CFAP54: variants seen among roughly 807,000 people sequenced by gnomAD.
CFAP54 encodes the protein cilia and flagella associated protein 54.
CFAP54 carries 290 observed loss-of-function variants against 370.4 expected under a neutral mutation model. That is an observed-to-expected ratio of 0.78 (90% CI 0.71 to 0.86). The LOEUF (loss-of-function observed/expected upper bound fraction) is 0.86, where lower values mean the gene tolerates loss of function less well. CFAP54 is among the 40% of genes least tolerant of loss of function. The pLI is 0.00. For synonymous variants in CFAP54, 1,206 were observed against 1,236.5 expected (o/e 0.98, Z 0.52); for missense variants, 3,399 against 3,528.7 (o/e 0.96, Z 0.93).
At chr12:96,759,305 C>A (rs571253685) in intron 58 of CFAP54, among the ~76,000 whole-genome samples, 143 of 142,398 alleles carry the variant, frequency 1.0e-3, no homozygotes, top group African/African-American at 3.6e-3. Context: ...AAAAAAAAAC[C>A]CTTGTTTTTA....
chr12:96,651,823 C>CTAGGGGTAGAGGTAAGGTAAAGAGGCT lies in CFAP54; in HGVS notation c.5100+8_5100+9insTAGGGGTAGAGGTAAGGTAAAGAGGCT. 6.7e-7 allele frequency: 1 copy of CTAGGGGTAGAGGTAAGGTAAAGAGGCT among 1,502,284 alleles called. No individual in the cohort carries two copies. Among genetic ancestry groups the CTAGGGGTAGAGGTAAGGTAAAGAGGCT allele is most frequent in the South Asian group, 1.1e-5 (1 of 87,380 alleles). 93.1% of individuals were successfully genotyped at this position (1,502,284 alleles called of 1,614,324 possible). ...AATACCAGTTCTATTAAGGTAAAGACACTTTGGTAATTATTTTTATTATAT... is the reference window on the plus strand; with the variant it reads ...AATACCAGTTCTATTAAGGTAAAGACTAGGGGTAGAGGTAAGGTAAAGAGGCTACTTTGGTAATTATTTTTATTATAT... On this transcript the variant is annotated intron_variant, in intron 36 of 67. Transcript: ENST00000524981.
At position 96,527,407 on chromosome 12, in the gene CFAP54, C is replaced by A; in HGVS notation, c.1320C>A (p.Val440=). The change falls in exon 9 of 68, where the codon GTC becomes GTA. Residue 440 remains valine (V), a synonymous_variant. Coordinates refer to ENST00000524981, the MANE Select transcript of CFAP54 (RefSeq NM_001306084.2). The stretch of plus-strand genomic sequence containing the variant: ...ATGAAGTGGAGATTCATGATGTTGT[C>A]TCAGAATTGTTTATGGCAGGAAAAG... ...VTDEVEIHDV[V]SELFMAGKEL... is the part of the protein sequence containing the mutation. The A allele has an allele frequency of 6.5e-7, 1 of 1,528,046 alleles. No individual in the cohort carries two copies. The highest frequency in any genetic ancestry group is 8.8e-7 in the Non-Finnish European group (1 of 1,142,358). 94.7% of individuals were successfully genotyped at this position (1,528,046 alleles called of 1,614,324 possible).
intron 30 of CFAP54, among the ~76,000 whole-genome samples, chr12:96,629,674 A>G (rs979984357): frequency 6.6e-6 from 1 of 151,834 alleles, no homozygotes; most frequent in African/African-American, 2.4e-5. Flanking sequence ...AGGCATTTAA[A>G]TCTTCCTAAT....
intron 13 of CFAP54, chr12:96,540,368 G>A (rs1268761222): frequency 6.6e-6 from 1 of 152,418 alleles, no homozygotes; most frequent in Admixed American, 6.5e-5. Flanking sequence ...TCAAAGTGCT[G>A]GGATTACAGG....
At chr12:96,629,546 C>T (rs1956583854) in intron 30 of CFAP54, among the ~76,000 whole-genome samples, 1 of 151,808 alleles carries the variant, frequency 6.6e-6, no homozygotes, top group Non-Finnish European at 1.5e-5. Flanking sequence ...ATCTCCTGAC[C>T]TCGTGATCCA....
intron 60 of CFAP54, among the ~76,000 whole-genome samples, chr12:96,782,600 A>T (rs1344409751): frequency 6.6e-6 from 1 of 152,186 alleles, no homozygotes; most frequent in East Asian, 1.9e-4. Flanking sequence ...ATTGAAAGAG[A>T]TAAGAAAACA....
intron 26 of CFAP54, among the ~76,000 whole-genome samples, chr12:96,615,046 A>G (rs1956400268): frequency 6.6e-6 from 1 of 152,368 alleles, no homozygotes; most frequent in Admixed American, 6.5e-5. Context: ...AAGAGCCTGC[A>G]TTGCCAAGAC....
chr12:96,497,302 T>C (rs1954965379), intron 1 of CFAP54, among the ~76,000 whole-genome samples: 1 of 152,154 alleles, frequency 6.6e-6, no homozygotes, highest in African/African-American at 2.4e-5. Flanking sequence ...GGTACATATA[T>C]AGGCAAGAGA....
intron 36 of CFAP54, among the ~76,000 whole-genome samples, chr12:96,657,659 C>A (rs1468992): frequency 6.6e-6 from 1 of 152,138 alleles, no homozygotes; most frequent in African/African-American, 2.4e-5. Context: ...CTATAGGGAA[C>A]GATAATGAAC....
intron 4 of CFAP54, among the ~76,000 whole-genome samples, chr12:96,511,041 C>T (rs1355091165): frequency 1.3e-5 from 2 of 151,398 alleles, no homozygotes; most frequent in Non-Finnish European, 2.9e-5. Flanking sequence ...GTCTGCTGAG[C>T]TTGAGCTGTT....
chr12:96,720,487 C>T lies in CFAP54; in HGVS notation c.6887C>T (p.Ala2296Val). The change falls in exon 50 of 68, where the codon GCT becomes GTT. Residue 2296 changes from alanine (A) to valine (V), a missense_variant. Physicochemically the swap from Ala to Val is moderately conservative, Grantham distance 64. Transcript: ENST00000524981. Reference sequence around the variant, plus strand: ...CAGAAGACCCTGTCTCAGTGCTCCGCTGGCGAGCTGGAGATTGTGGTGGAG... The same window carrying T: ...CAGAAGACCCTGTCTCAGTGCTCCGTTGGCGAGCTGGAGATTGTGGTGGAG... ...VEQKTLSQCS[A>V]GELEIVVEAR... is the part of the protein sequence containing the mutation. 1 of 1,604,122 alleles carries T rather than the reference C, an allele frequency of 6.2e-7. No homozygotes were observed. The highest frequency in any genetic ancestry group is 8.5e-7 in the Non-Finnish European group (1 of 1,174,316).
chr12:96,563,762 A>T (rs773059593), intron 17 of CFAP54, among the ~76,000 whole-genome samples: 1 of 152,236 alleles, frequency 6.6e-6, no homozygotes, highest in Non-Finnish European at 1.5e-5. Context: ...CTACCCTCGC[A>T]TATCTCCAAG....
intron 19 of CFAP54, among the ~76,000 whole-genome samples, chr12:96,571,814 CT>C (rs1955920842): frequency 6.6e-6 from 1 of 152,122 alleles, no homozygotes; most frequent in Non-Finnish European, 1.5e-5. Flanking sequence ...TAAACAAAAT[CT>C]TATTAGCAGC....
At chr12:96,544,008 A>G (rs1296396054) in intron 14 of CFAP54, among the ~76,000 whole-genome samples, 3 of 152,136 alleles carry the variant, frequency 2.0e-5, no homozygotes, top group South Asian at 2.1e-4. Flanking sequence ...CTGTGATACT[A>G]TGATATATGA....
At chr12:96,646,803 G>A (rs543032193) in intron 33 of CFAP54, 1 of 152,168 alleles carries the variant, frequency 6.6e-6, no homozygotes, top group Non-Finnish European at 1.5e-5. Flanking sequence ...TCCTTTGTAG[G>A]GACATGGATG....
At chr12:96,615,696 G>A (rs1308994250) in intron 26 of CFAP54, among the ~76,000 whole-genome samples, 1 of 152,196 alleles carries the variant, frequency 6.6e-6, no homozygotes, top group Non-Finnish European at 1.5e-5. Flanking sequence ...TCAACAAGTG[G>A]AGGAAGGACA....
intron 1 of CFAP54, among the ~76,000 whole-genome samples, chr12:96,490,685 CCTT>C (rs1954872073): frequency 6.6e-6 from 1 of 150,734 alleles, no homozygotes; most frequent in Admixed American, 6.6e-5. Context: ...GAGCAAGACT[CCTT>C]CTCAAAAAAT....
intron 58 of CFAP54, among the ~76,000 whole-genome samples, chr12:96,758,195 G>A (rs985290497): frequency 3.3e-5 from 5 of 152,262 alleles, no homozygotes; most frequent in Non-Finnish European, 5.9e-5. Flanking sequence ...ATCAGAGGAG[G>A]AAAGGTGGGA....
intron 66 of CFAP54, among the ~76,000 whole-genome samples, chr12:96,846,846 A>G (rs1254580517): frequency 6.6e-6 from 1 of 152,114 alleles, no homozygotes; most frequent in Non-Finnish European, 1.5e-5. Flanking sequence ...AATACCAGGT[A>G]TGACAGTTGT....
Sources: allele counts gnomAD v4.1 joint callset (sites outside exome capture counted in the v4.1 genomes callset), GRCh38; gene constraint gnomAD v4.1.1; transcripts MANE v1.5; gene names NCBI Gene and HGNC (gene_info 2026-07-23, HGNC 2026-07-21).